The following CNTNAP2 variants were observed in gnomAD, a reference collection of about 807,000 sequenced individuals.
CNTNAP2 encodes contactin-associated protein-like 2.
In CNTNAP2, 98 loss-of-function variants were observed where a neutral mutation model predicts 155.2. The observed-to-expected ratio is 0.63, with a 90% CI of 0.54 to 0.75. The LOEUF is 0.75. CNTNAP2 is among the 30% of genes least tolerant of loss of function. The pLI, the probability that CNTNAP2 is intolerant of heterozygous loss-of-function variation, is 0.00. For synonymous variants in CNTNAP2, 651 were observed against 631.2 expected (o/e 1.03, Z -0.47); for missense variants, 1,727 against 1,688.1 (o/e 1.02, Z -0.40).
At chr7:147,386,737 T>G (rs1055224630) in intron 9 of CNTNAP2, among the ~76,000 whole-genome samples, 2 of 152,312 alleles carry the variant, frequency 1.3e-5, no homozygotes, top group East Asian at 1.9e-4. Flanking sequence ...CCCTCCAAAC[T>G]GTTCCAACCT....
chr7:148,052,181 A>G (rs1358316956), intron 15 of CNTNAP2, among the ~76,000 whole-genome samples: 1 of 152,024 alleles, frequency 6.6e-6, no homozygotes. Flanking sequence ...CATAAATACA[A>G]AGGAAACTTG....
At chr7:147,675,181 C>A (rs888604364) in intron 13 of CNTNAP2, among the ~76,000 whole-genome samples, 1 of 152,036 alleles carries the variant, frequency 6.6e-6, no homozygotes, top group African/African-American at 2.4e-5. Flanking sequence ...GGTATCACTC[C>A]AATCTCTGCC....
At chr7:146,220,385 T>C (rs976431551) in intron 1 of CNTNAP2, among the ~76,000 whole-genome samples, 2 of 152,158 alleles carry the variant, frequency 1.3e-5, no homozygotes, top group African/African-American at 2.4e-5. Flanking sequence ...TTGCCACCTA[T>C]ATCATCATTT....
At chr7:146,966,022 AC>A (rs1468163881) in intron 3 of CNTNAP2, among the ~76,000 whole-genome samples, 1 of 152,184 alleles carries the variant, frequency 6.6e-6, no homozygotes, top group Non-Finnish European at 1.5e-5. Flanking sequence ...AGTGGATGTC[AC>A]CTTTGTGGCT....
chr7:147,337,267 C>T (rs933625558), intron 9 of CNTNAP2, among the ~76,000 whole-genome samples: 1 of 152,084 alleles, frequency 6.6e-6, no homozygotes, highest in Non-Finnish European at 1.5e-5. Context: ...CAGATGAAGT[C>T]TCATCTGTGC....
intron 3 of CNTNAP2, among the ~76,000 whole-genome samples, chr7:147,039,490 T>C (rs1799219521): frequency 6.6e-6 from 1 of 152,194 alleles, no homozygotes; most frequent in Non-Finnish European, 1.5e-5. Context: ...CCTGCATTTG[T>C]TTGCTAAGTA....
At chr7:146,404,082 G>T (rs950946348) in intron 1 of CNTNAP2, among the ~76,000 whole-genome samples, 1 of 130,366 alleles carries the variant, frequency 7.7e-6, no homozygotes, top group Non-Finnish European at 1.5e-5. Context: ...CCGAGATCCC[G>T]CCACTGCACT....
intron 1 of CNTNAP2, among the ~76,000 whole-genome samples, chr7:146,300,467 A>G (rs2129088232): frequency 6.6e-6 from 1 of 152,238 alleles, no homozygotes; most frequent in African/African-American, 2.4e-5. Context: ...CATAATTTTG[A>G]GAGTTCCACT....
intron 8 of CNTNAP2, among the ~76,000 whole-genome samples, chr7:147,273,555 A>G (rs894858632): frequency 1.3e-5 from 2 of 151,700 alleles, no homozygotes; most frequent in East Asian, 1.9e-4. Flanking sequence ...ATTTCCATCT[A>G]TATGTTCATG....
At chr7:146,125,448 C>T (rs371536955) in intron 1 of CNTNAP2, among the ~76,000 whole-genome samples, 2,346 of 151,030 alleles carry the variant, frequency 0.016, 45 homozygotes, top group African/African-American at 0.047. Flanking sequence ...TTGTGGCGGG[C>T]GCCTGTAGTC....
At chr7:146,248,146 A>G (rs1089605) in intron 1 of CNTNAP2, among the ~76,000 whole-genome samples, 39,934 of 151,124 alleles carry the variant, frequency 0.26, 13,472 homozygotes, top group African/African-American at 0.79. Context: ...ATAAGGGATC[A>G]GGGCGCAGAG....
intron 1 of CNTNAP2, among the ~76,000 whole-genome samples, chr7:146,143,253 T>A (rs768917823): frequency 1.3e-5 from 2 of 152,224 alleles, no homozygotes; most frequent in Non-Finnish European, 2.9e-5. Flanking sequence ...CTTTTTATTA[T>A]GCCAGTTTAA....
intron 5 of CNTNAP2, among the ~76,000 whole-genome samples, chr7:147,115,075 G>C (rs1800958479): frequency 6.6e-6 from 1 of 152,146 alleles, no homozygotes; most frequent in Non-Finnish European, 1.5e-5. Flanking sequence ...ATGAAGCTTA[G>C]TTTGACTGGA....
At chr7:148,031,144 C>T (rs1022059214) in intron 15 of CNTNAP2, among the ~76,000 whole-genome samples, 5 of 152,146 alleles carry the variant, frequency 3.3e-5, no homozygotes, top group African/African-American at 1.2e-4. Flanking sequence ...AGAATTTAGG[C>T]TCCTTACCCT....
At chr7:146,225,320 A>T (rs1327952496) in intron 1 of CNTNAP2, among the ~76,000 whole-genome samples, 1 of 152,224 alleles carries the variant, frequency 6.6e-6, no homozygotes, top group Non-Finnish European at 1.5e-5. Flanking sequence ...ACATAGAGAA[A>T]AATGCTTGAA....
chr7:146,265,102 A>G (rs1037745124), intron 1 of CNTNAP2, among the ~76,000 whole-genome samples: 1 of 152,216 alleles, frequency 6.6e-6, no homozygotes, highest in Non-Finnish European at 1.5e-5. Flanking sequence ...CTAACAGTTC[A>G]CAGTTCAGTT....
At chr7:147,442,659 G>C (rs1486972932) in intron 10 of CNTNAP2, among the ~76,000 whole-genome samples, 3 of 152,144 alleles carry the variant, frequency 2.0e-5, no homozygotes, top group Non-Finnish European at 2.9e-5. Context: ...AAGGCCCTCA[G>C]TGTAGTACCA....
chr7:147,865,054 G>C (rs1004141068), intron 13 of CNTNAP2, among the ~76,000 whole-genome samples: 2 of 152,114 alleles, frequency 1.3e-5, no homozygotes, highest in Non-Finnish European at 2.9e-5. Flanking sequence ...TATGATATTG[G>C]CTGTGGGTTT....
At position 147,692,972 on chromosome 7, in the gene CNTNAP2, C is replaced by T. The variant is rs529508109; in HGVS notation, c.2098+53666C>T. Among the ~76,000 whole-genome samples, 135 of 152,080 alleles carry T rather than the reference C, an allele frequency of 8.9e-4. 1 individual carries two copies. The highest frequency in any genetic ancestry group is 3.2e-3 in the African/African-American group (131 of 41,534). Reference sequence around the variant, plus strand: ...CATTTCTAGGAGTTTTATAGTTTAGCATTTTACATTTAGGTCTATAATTCA... The same window carrying T: ...CATTTCTAGGAGTTTTATAGTTTAGTATTTTACATTTAGGTCTATAATTCA... On this transcript the variant is annotated intron_variant, in intron 13 of 23. Coordinates refer to ENST00000361727, the MANE Select transcript of CNTNAP2 (RefSeq NM_014141.6).
Sources: allele counts gnomAD v4.1 joint callset (sites outside exome capture counted in the v4.1 genomes callset), GRCh38; gene constraint gnomAD v4.1.1; transcripts MANE v1.5; gene names NCBI Gene and HGNC (gene_info 2026-07-23, HGNC 2026-07-21).